FAM149A: variants seen among roughly 807,000 people sequenced by gnomAD.
FAM149A encodes the protein family with sequence similarity 149 member A.
A neutral mutation model predicts 78.2 loss-of-function variants in FAM149A; 71 were observed. The observed-to-expected ratio is 0.91, with a 90% CI of 0.75 to 1.11. The LOEUF (loss-of-function observed/expected upper bound fraction) is 1.11. Ranked by LOEUF, FAM149A falls within the 50% of genes least tolerant of loss-of-function variation. FAM149A has a pLI of 0.00. For synonymous variants in FAM149A, 446 were observed against 410.5 expected (o/e 1.09, Z -1.04); for missense variants, 1,036 against 971.0 (o/e 1.07, Z -0.89).
At chr4:186,124,532 T>G (rs7435857) in intron 1 of FAM149A, among the ~76,000 whole-genome samples, 8 of 151,384 alleles carry the variant, frequency 5.3e-5, no homozygotes, top group Non-Finnish European at 1.2e-4. Context: ...TCTGTCCTTG[T>G]GACAGTTTGC....
At chr4:186,138,321 C>T (rs1273927489) in intron 1 of FAM149A, among the ~76,000 whole-genome samples, 8 of 152,094 alleles carry the variant, frequency 5.3e-5, no homozygotes, top group Non-Finnish European at 1.0e-4. Context: ...ATTGTGGAGG[C>T]TTGGTAAGTC....
Position 186,105,489 on chromosome 4 carries a change from C to T in FAM149A, c.413C>T (p.Ala138Val), listed in dbSNP as rs2099308380. The T allele has an allele frequency of 3.3e-6, 4 of 1,201,290 alleles. No individual in the cohort carries two copies. Among genetic ancestry groups the T allele is most frequent in the Middle Eastern group, 3.3e-4 (1 of 3,052 alleles). The allele number at this position is 1,201,290 out of a possible 1,614,324, so 74.4% of individuals were successfully genotyped here. The change falls in exon 1 of 14, where the codon GCC becomes GTC. Residue 138 changes from alanine to valine, a missense_variant. Coordinates refer to ENST00000389354, the MANE Select transcript of FAM149A (RefSeq NM_001367768.3). ...CCCTCGGGCCCCGGCGGGGTCTGGG[C>T]CGCGCTCCCCAGGAACCCGCTCCAG...
chr4:186,127,267 C>T (rs956960338), intron 1 of FAM149A: 12 of 974,054 alleles, frequency 1.2e-5, no homozygotes, highest in South Asian at 9.5e-5. Flanking sequence ...CTCAGAGCTT[C>T]GGTTTCTTCC....
At chr4:186,105,874 AG>A (rs2099308551) in intron 1 of FAM149A, among the ~76,000 whole-genome samples, 1 of 152,320 alleles carries the variant, frequency 6.6e-6, no homozygotes, top group South Asian at 2.1e-4. Context: ...GTGAATCCTA[AG>A]GGGCCTTGAA....
chr4:186,129,560 T>C lies in FAM149A; in HGVS notation c.567-19613T>C, dbSNP rs949729280. On this transcript the variant is annotated intron_variant, in intron 1 of 13. Coordinates refer to ENST00000389354, the MANE Select transcript of FAM149A (RefSeq NM_001367768.3). ...ACCAGCTGAGAGCAACTAGAGAAGC[T>C]GAACACTAGGTTAAAGACCACGCAG... Among the ~76,000 whole-genome samples, 5 of 152,334 alleles carry C rather than the reference T, an allele frequency of 3.3e-5. No individual in the cohort carries two copies. The East Asian group carries it at 9.6e-4, about 29-fold the overall frequency.
chr4:186,131,544 G>A (rs1030274251), intron 1 of FAM149A, among the ~76,000 whole-genome samples: 11 of 152,142 alleles, frequency 7.2e-5, no homozygotes, highest in African/African-American at 2.2e-4. Context: ...TGTTGATTAC[G>A]CTGCCCAGTC....
At chr4:186,163,977 A>G (rs1734812399) in intron 10 of FAM149A, among the ~76,000 whole-genome samples, 1 of 152,216 alleles carries the variant, frequency 6.6e-6, no homozygotes, top group African/African-American at 2.4e-5. Context: ...TAAATAAAAT[A>G]ATGTATATAA....
chr4:186,158,705 G>T, intron 8 of FAM149A: 1 of 1,004,574 alleles, frequency 1.0e-6, no homozygotes, highest in Non-Finnish European at 1.2e-6. Flanking sequence ...GCTGCAGACT[G>T]CTCTGAAGGT....
In FAM149A at chr4:186,173,917, G is replaced by C. The variant is rs140736230; in HGVS notation, c.*1930G>C. 2.7e-5 allele frequency among the ~76,000 whole-genome samples: 3 copies of C among 111,724 alleles called. No individual in the cohort carries two copies. The highest frequency in any genetic ancestry group is 8.4e-5 in the African/African-American group (3 of 35,712). 73.3% of individuals were successfully genotyped at this position (111,724 alleles called of 152,430 possible). The stretch of plus-strand genomic sequence containing the variant: ...AGCTCTCCCACTTGAGGAATAGTTA[G>C]ATATGTGAGTAGCCTGGAGCCCATG... On this transcript the variant is annotated 3_prime_UTR_variant, in exon 14 of 14. Coordinates refer to ENST00000389354, the MANE Select transcript of FAM149A (RefSeq NM_001367768.3).
intron 1 of FAM149A, among the ~76,000 whole-genome samples, chr4:186,117,204 T>TA (rs1217607597): frequency 6.6e-6 from 1 of 152,214 alleles, no homozygotes; most frequent in Non-Finnish European, 1.5e-5. Flanking sequence ...AAGATATTCT[T>TA]ACTACCCACA....
chr4:186,154,843 G>A (rs576968076), intron 6 of FAM149A: 11 of 985,402 alleles, frequency 1.1e-5, no homozygotes, highest in Non-Finnish European at 1.3e-5. Context: ...GGTGTTCAGT[G>A]CCCTTGTAAA....
At chr4:186,149,464 T>C in intron 2 of FAM149A, 102 bp from the exon 3 acceptor site, 2 of 1,167,660 alleles carry the variant, frequency 1.7e-6, no homozygotes, top group Non-Finnish European at 2.2e-6. Context: ...AATAAATATA[T>C]TTAATGAAAG....
chr4:186,170,244 T>G (rs1226171499), intron 13 of FAM149A, among the ~76,000 whole-genome samples: 1 of 152,216 alleles, frequency 6.6e-6, no homozygotes, highest in Non-Finnish European at 1.5e-5. Context: ...GACACGGGCC[T>G]TGGCACGGAA....
intron 8 of FAM149A, chr4:186,157,936 A>T (rs116733813): frequency 1.3e-6 from 2 of 1,529,360 alleles, no homozygotes; most frequent in Non-Finnish European, 1.7e-6. Context: ...AAGGACGAGG[A>T]TGTGCTCAAG....
intron 8 of FAM149A, chr4:186,158,718 A>T: frequency 9.8e-7 from 1 of 1,019,528 alleles, no homozygotes; most frequent in Non-Finnish European, 1.2e-6. Context: ...CTGAAGGTGC[A>T]GGTACCCCCT....
rs1734008808 is a variant in FAM149A at position 186,156,004 on chromosome 4, G to A, written c.1234G>A (p.Asp412Asn). 6.2e-7 allele frequency: 1 copy of A among 1,610,454 alleles called. No individual in the cohort carries two copies. The highest frequency in any genetic ancestry group is 8.5e-7 in the Non-Finnish European group (1 of 1,178,838). The change falls in exon 7 of 14, where the codon GAT becomes AAT. Residue 412 changes from aspartate (D) to asparagine (N), a missense_variant. Physicochemically the swap from Asp to Asn is conservative, Grantham distance 23. Transcript: ENST00000389354. The stretch of plus-strand genomic sequence containing the variant: ...GGAGTGGGTTTTTATTCTTAGTGAT[G>A]ATGAATGTCTTGAACAAAAACCAGC...
At position 186,116,249 on chromosome 4, in the gene FAM149A, G is replaced by T. The variant is rs149926772; in HGVS notation, c.566+10607G>T. ...GTGAGGCAATGCCTCGCCCTGCTTC[G>T]GCTCGCGCACGGTGCGCGCACCCAC... On this transcript the variant is annotated intron_variant, in intron 1 of 13. Transcript: ENST00000389354. The T allele has an allele frequency of 4.1e-3, 618 of 149,578 alleles. 4 individuals carry two copies. Among genetic ancestry groups the T allele is most frequent in the African/African-American group, 0.015 (585 of 39,118 alleles). The allele number at this position is 149,578 out of a possible 1,614,324, so 9.3% of individuals were successfully genotyped here.
Position 186,173,954 on chromosome 4 carries a change from C to T in FAM149A, c.*1967C>T, listed in dbSNP as rs1735648979. ...GCCTGGAGCCCATGTTATAGGGCTG[C>T]TGGTTAGGTGCTCTCTGGTGCATCA... On this transcript the variant is annotated 3_prime_UTR_variant, in exon 14 of 14. Coordinates refer to ENST00000389354, the MANE Select transcript of FAM149A (RefSeq NM_001367768.3). 1.8e-5 allele frequency among the ~76,000 whole-genome samples: 2 copies of T among 111,534 alleles called. 1 individual carries two copies. Among genetic ancestry groups the T allele is most frequent in the African/African-American group, 5.6e-5 (2 of 35,518 alleles). The allele number at this position is 111,534 out of a possible 152,430, so 73.2% of individuals were successfully genotyped here. A position where few individuals can be genotyped will look rare whatever the true frequency, so the allele number is the denominator to read the frequency against.
In FAM149A at chr4:186,169,539, C is replaced by T. The variant is rs975043157; in HGVS notation, c.2218+2277C>T. ...TCTTTCCTCCTGAGCACTCTGTCAACGTCAGCCCACCACGCTGCTCACACA... is the reference window on the plus strand; with the variant it reads ...TCTTTCCTCCTGAGCACTCTGTCAATGTCAGCCCACCACGCTGCTCACACA... On this transcript the variant is annotated intron_variant, in intron 13 of 13. Transcript: ENST00000389354. 16 of 985,458 alleles carry T rather than the reference C, an allele frequency of 1.6e-5. No individual in the cohort carries two copies. In the East Asian group the frequency reaches 7.9e-4, roughly 49 times the overall value. The allele number at this position is 985,458 out of a possible 1,614,324, so 61.0% of individuals were successfully genotyped here. A position where few individuals can be genotyped will look rare whatever the true frequency, so the allele number is the denominator to read the frequency against.
Sources: gnomAD v4.1 joint callset for allele counts (sites outside exome capture counted in the v4.1 genomes callset) on GRCh38, gnomAD v4.1.1 for gene constraint, MANE v1.5 for transcripts, NCBI Gene and HGNC (gene_info 2026-07-23, HGNC 2026-07-21) for gene names.